The following TTC28 variants were observed in gnomAD, a reference collection of about 807,000 sequenced individuals.
TTC28 encodes the protein tetratricopeptide repeat protein 28.
A neutral mutation model predicts 198.0 loss-of-function variants in TTC28; 61 were observed. That is an observed-to-expected ratio of 0.31 (90% CI 0.25 to 0.38). TTC28 has a LOEUF of 0.38. Ranked by LOEUF, TTC28 falls within the 10% of genes least tolerant of loss-of-function variation. The pLI is 1.00. For synonymous variants in TTC28, 1,171 were observed against 1,297.8 expected (o/e 0.90, Z 2.10); for missense variants, 2,678 against 3,164.0 (o/e 0.85, Z 3.69).
chr22:28,392,521 C>T (rs936397920), intron 2 of TTC28, among the ~76,000 whole-genome samples: 5 of 152,238 alleles, frequency 3.3e-5, no homozygotes, highest in African/African-American at 9.6e-5. Flanking sequence ...CCCTCCAAGC[C>T]AGGTGCGGGA....
intron 5 of TTC28, among the ~76,000 whole-genome samples, chr22:28,284,401 T>C (rs747326420): frequency 2.6e-5 from 4 of 152,152 alleles, no homozygotes; most frequent in Non-Finnish European, 4.4e-5. Flanking sequence ...TGATATCAAG[T>C]GCTAAGGTGT....
chr22:28,636,766 G>C (rs544599587), intron 1 of TTC28, among the ~76,000 whole-genome samples: 1 of 152,036 alleles, frequency 6.6e-6, no homozygotes, highest in Non-Finnish European at 1.5e-5. Context: ...TATATATTTT[G>C]GATATTAACC....
chr22:28,009,668 C>A (rs1938065069), intron 14 of TTC28, among the ~76,000 whole-genome samples: 1 of 152,248 alleles, frequency 6.6e-6, no homozygotes, highest in South Asian at 2.1e-4. Flanking sequence ...CATGGCCCAC[C>A]GGCCTCGGGT....
intron 6 of TTC28, among the ~76,000 whole-genome samples, chr22:28,121,648 T>TA (rs1474562482): frequency 6.6e-5 from 10 of 152,204 alleles, no homozygotes; most frequent in African/African-American, 9.6e-5. Flanking sequence ...AATACTAAAT[T>TA]AAAAAATGCT....
intron 2 of TTC28, among the ~76,000 whole-genome samples, chr22:28,311,961 C>A (rs1343777294): frequency 1.3e-5 from 2 of 151,360 alleles, no homozygotes; most frequent in East Asian, 3.9e-4. Context: ...TTCAGGAGAT[C>A]CATCTCACGT....
At chr22:28,096,809 C>CT (rs568084580) in intron 10 of TTC28, among the ~76,000 whole-genome samples, 4,075 of 143,038 alleles carry the variant, frequency 0.028, 147 homozygotes, top group African/African-American at 0.082. Flanking sequence ...CTCTACGTGT[C>CT]TTTTTTTTTT....
At chr22:28,679,558 C>A in intron 1 of TTC28, 64 bp downstream of exon 1, 1 of 1,171,154 alleles carries the variant, frequency 8.5e-7, no homozygotes, top group African/African-American at 1.6e-5. Flanking sequence ...TGAGGCCCGG[C>A]CCGGCTCCCA....
rs200877397 is a variant in TTC28 at position 28,541,708 on chromosome 22, A to AATAT, written c.381+87840_381+87843dup. On this transcript the variant is annotated intron_variant, in intron 2 of 22. Coordinates refer to ENST00000397906, the MANE Select transcript of TTC28 (RefSeq NM_001145418.2). ...TTGTAACTATGTTCAAGTGTTTTTA[A>AATAT]ATATATATATATATAGAAGAAAGAA... is the stretch of plus-strand genomic sequence containing the variant. 8.6e-5 allele frequency among the ~76,000 whole-genome samples: 13 copies of AATAT among 150,752 alleles called. No homozygotes were observed. The East Asian group carries it at 1.4e-3, about 16-fold the overall frequency.
chr22:28,434,087 T>C (rs1310282472), intron 2 of TTC28, among the ~76,000 whole-genome samples: 1 of 152,154 alleles, frequency 6.6e-6, no homozygotes, highest in Non-Finnish European at 1.5e-5. Flanking sequence ...AAGTAGATAG[T>C]TGATGAATTT....
chr22:28,509,139 T>C (rs1234321304), intron 2 of TTC28, among the ~76,000 whole-genome samples: 11 of 150,500 alleles, frequency 7.3e-5, no homozygotes, highest in South Asian at 6.3e-4. Context: ...TGCAGTGAGC[T>C]GAGATTGCAC....
intron 14 of TTC28, chr22:28,007,376 T>G (rs1937970919): frequency 6.6e-6 from 1 of 151,972 alleles, no homozygotes; most frequent in South Asian, 2.1e-4. Context: ...GATACTGTAT[T>G]TCAGCCAGAA....
intron 12 of TTC28, among the ~76,000 whole-genome samples, chr22:28,089,783 C>T (rs756702969): frequency 1.3e-5 from 2 of 148,822 alleles, no homozygotes; most frequent in Non-Finnish European, 3.0e-5. Flanking sequence ...ACTATGCAGC[C>T]ATAAAAAATG....
intron 5 of TTC28, among the ~76,000 whole-genome samples, chr22:28,279,230 A>T (rs1203917607): frequency 6.6e-6 from 1 of 152,196 alleles, no homozygotes; most frequent in African/African-American, 2.4e-5. Context: ...TTTTTTTGAT[A>T]CAATTTAAAG....
Position 28,190,616 on chromosome 22 carries a change from G to C in TTC28, c.934-27017C>G, listed in dbSNP as rs191512763. 1.0e-3 allele frequency among the ~76,000 whole-genome samples: 154 copies of C among 152,272 alleles called. 1 individual carries two copies. The highest frequency in any genetic ancestry group is 3.5e-3 in the African/African-American group (146 of 41,552). On this transcript the variant is annotated intron_variant, in intron 5 of 22. Transcript: ENST00000397906. The stretch of plus-strand genomic sequence containing the variant: ...AAACTCACATGAAAATTCAGCTTTA[G>C]AATTTCCTTGGAAACAACAACAATA...
intron 2 of TTC28, among the ~76,000 whole-genome samples, chr22:28,490,290 A>AT (rs1297018587): frequency 6.6e-6 from 1 of 152,164 alleles, no homozygotes; most frequent in Non-Finnish European, 1.5e-5. Context: ...CAATCCCAAA[A>AT]TGTCATGGCT....
intron 2 of TTC28, among the ~76,000 whole-genome samples, chr22:28,553,029 T>C (rs2049712783): frequency 6.6e-6 from 1 of 152,102 alleles, no homozygotes; most frequent in African/African-American, 2.4e-5. Context: ...CCGCGAGTGA[T>C]CCGCCAGCCT....
At chr22:28,203,825 G>A (rs560513040) in intron 5 of TTC28, among the ~76,000 whole-genome samples, 8 of 152,198 alleles carry the variant, frequency 5.3e-5, no homozygotes, top group African/African-American at 1.4e-4. Context: ...AATGACACCA[G>A]CAGAAGCACC....
intron 14 of TTC28, among the ~76,000 whole-genome samples, chr22:28,008,775 G>A (rs1304043513): frequency 1.3e-5 from 2 of 152,194 alleles, no homozygotes; most frequent in African/African-American, 4.8e-5. Flanking sequence ...GGATCTGAGT[G>A]GACGAGTGGC....
chr22:28,352,339 C>G (rs529086561), intron 2 of TTC28, among the ~76,000 whole-genome samples: 1 of 146,042 alleles, frequency 6.8e-6, no homozygotes, highest in Non-Finnish European at 1.5e-5. Flanking sequence ...ATATATATCT[C>G]CCGGTAAGTG....
Sources: allele counts gnomAD v4.1 joint callset (sites outside exome capture counted in the v4.1 genomes callset), GRCh38; gene constraint gnomAD v4.1.1; transcripts MANE v1.5; gene names NCBI Gene and HGNC (gene_info 2026-07-23, HGNC 2026-07-21).